LARGE1: variants seen among roughly 807,000 people sequenced by gnomAD.
LARGE1 encodes the protein LARGE xylosyl- and glucuronyltransferase 1.
LARGE1 carries 43 observed loss-of-function variants against 87.6 expected under a neutral mutation model. That is an observed-to-expected ratio of 0.49 (90% CI 0.38 to 0.63). The LOEUF is 0.63. LARGE1 is among the 30% of genes least tolerant of loss of function. LARGE1 has a pLI of 0.00. For synonymous variants in LARGE1, 434 were observed against 394.6 expected, an observed-to-expected ratio of 1.10 and a Z score of -1.18; for missense variants, 802 against 1,000.2, an observed-to-expected ratio of 0.80 and a Z score of 2.67.
At chr22:33,417,147 C>T (rs533106471) in intron 7 of LARGE1, among the ~76,000 whole-genome samples, 2 of 152,118 alleles carry the variant, frequency 1.3e-5, no homozygotes, top group Admixed American at 6.5e-5. Flanking sequence ...CCTCGTGATC[C>T]GCCTGCCTCG....
chr22:33,217,528 A>G (rs1418232502), intron 11 of LARGE1, among the ~76,000 whole-genome samples: 1 of 152,236 alleles, frequency 6.6e-6, no homozygotes, highest in African/African-American at 2.4e-5. Flanking sequence ...ACACCATTAT[A>G]GAAAATGTTT....
intron 1 of LARGE1, among the ~76,000 whole-genome samples, chr22:33,880,378 A>C (rs1373991893): frequency 6.6e-6 from 1 of 152,216 alleles, no homozygotes; most frequent in African/African-American, 2.4e-5. Context: ...GAACATTCTA[A>C]CTATCCTGCA....
At chr22:33,782,884 T>TAAAAA (rs397952057) in intron 1 of LARGE1, among the ~76,000 whole-genome samples, 6 of 125,492 alleles carry the variant, frequency 4.8e-5, no homozygotes, top group African/African-American at 1.5e-4. Flanking sequence ...AAATCAAGTT[T>TAAAAA]AAAAAAAAAA....
chr22:33,574,855 C>A (rs1041161269), intron 5 of LARGE1, among the ~76,000 whole-genome samples: 1 of 151,760 alleles, frequency 6.6e-6, no homozygotes, highest in Non-Finnish European at 1.5e-5. Flanking sequence ...ATATGCCATA[C>A]AAAAGAGCAC....
chr22:33,863,573 T>A (rs961664062), intron 1 of LARGE1, among the ~76,000 whole-genome samples: 5 of 147,354 alleles, frequency 3.4e-5, no homozygotes, highest in African/African-American at 1.3e-4. Flanking sequence ...CTGACCAACA[T>A]GGTGAAACCC....
chr22:33,839,408 T>G (rs1416099602), intron 1 of LARGE1, among the ~76,000 whole-genome samples: 1 of 147,448 alleles, frequency 6.8e-6, no homozygotes, highest in Non-Finnish European at 1.5e-5. Context: ...TCCAACACTG[T>G]GGATTTCACT....
chr22:33,180,973 T>C (rs1321834706), intron 11 of LARGE1, among the ~76,000 whole-genome samples: 3 of 152,228 alleles, frequency 2.0e-5, no homozygotes, highest in Non-Finnish European at 4.4e-5. Context: ...TTTGTGGATG[T>C]GGTTCTAAAA....
At chr22:33,329,942 G>C (rs1171778015) in intron 10 of LARGE1, among the ~76,000 whole-genome samples, 1 of 151,892 alleles carries the variant, frequency 6.6e-6, no homozygotes, top group African/African-American at 2.4e-5. Context: ...GCTATCTTCT[G>C]GGCTGTCAGG....
chr22:33,523,408 C>T (rs1439151163), intron 6 of LARGE1, among the ~76,000 whole-genome samples: 1 of 152,130 alleles, frequency 6.6e-6, no homozygotes, highest in Non-Finnish European at 1.5e-5. Context: ...GCATTTCCTC[C>T]TCTGTGAACT....
intron 4 of LARGE1, among the ~76,000 whole-genome samples, chr22:33,608,202 T>C (rs2079321080): frequency 6.6e-6 from 1 of 152,234 alleles, no homozygotes; most frequent in African/African-American, 2.4e-5. Context: ...AAGTTGCATG[T>C]TCATCTACAG....
chr22:33,634,220 A>G (rs7290109), intron 3 of LARGE1, among the ~76,000 whole-genome samples: 1 of 152,080 alleles, frequency 6.6e-6, no homozygotes, highest in African/African-American at 2.4e-5. Flanking sequence ...ACATGGAGTA[A>G]GTGGCTCTCC....
intron 11 of LARGE1, among the ~76,000 whole-genome samples, chr22:33,314,033 C>T (rs1935884125): frequency 6.6e-6 from 1 of 152,166 alleles, no homozygotes; most frequent in Non-Finnish European, 1.5e-5. Flanking sequence ...CCACTAAGTG[C>T]CTGGTGCAGA....
At chr22:33,070,105 A>T in the LARGE1 span, among the ~76,000 whole-genome samples, 1 of 152,192 alleles carries the variant, frequency 6.6e-6, no homozygotes. Flanking sequence ...TACAAGCATG[A>T]GCTGCCGCTC....
Position 33,583,045 on chromosome 22 carries a change from T to C in LARGE1, c.616-18026A>G, listed in dbSNP as rs376094700. Among the ~76,000 whole-genome samples, 4 of 152,190 alleles carry C rather than the reference T, an allele frequency of 2.6e-5. No individual in the cohort carries two copies. In the South Asian group the frequency reaches 8.3e-4, roughly 32 times the overall value. Reference sequence around the variant, plus strand: ...TCTACCTTGGACAGTTCCAGTCACATATATTATACCCTGTCTAGATGACAA... The same window carrying C: ...TCTACCTTGGACAGTTCCAGTCACACATATTATACCCTGTCTAGATGACAA... On this transcript the variant is annotated intron_variant, in intron 5 of 14. Coordinates refer to ENST00000397394, the MANE Select transcript of LARGE1 (RefSeq NM_133642.5).
chr22:33,316,254 G>A lies in LARGE1; in HGVS notation c.1288-6C>T. 1 of 1,613,110 alleles carries A rather than the reference G, an allele frequency of 6.2e-7. No individual in the cohort carries two copies. The highest frequency in any genetic ancestry group is 8.5e-7 in the Non-Finnish European group (1 of 1,179,888). Reference sequence around the variant, plus strand: ...TCAGACAGCTGCTTCTGGAGCTGCAGGGTAGGAGAGAGGGCTTGGGCACGT... The same window carrying A: ...TCAGACAGCTGCTTCTGGAGCTGCAAGGTAGGAGAGAGGGCTTGGGCACGT... On this transcript the variant is annotated splice_polypyrimidine_tract_variant and splice_region_variant and intron_variant, in intron 10 of 14. Transcript: ENST00000397394.
rs1445939743 is a variant in LARGE1 at position 33,853,692 on chromosome 22, CCAGTTCCTT to C, written c.-83+66294_-83+66302del. On this transcript the variant is annotated intron_variant, in intron 1 of 14. Transcript: ENST00000397394. ...AAGATAGCAAGGATACAAAAAAGTG[CCAGTTCCTT>C]TCCCACATGTGCTGAGTTGGAAACA... Among the ~76,000 whole-genome samples, 3 of 152,214 alleles carry C rather than the reference CCAGTTCCTT, an allele frequency of 2.0e-5. No homozygotes were observed. The East Asian group carries it at 5.8e-4, about 29-fold the overall frequency.
chr22:33,395,186 G>T (rs1432361830), intron 7 of LARGE1, among the ~76,000 whole-genome samples: 1 of 140,252 alleles, frequency 7.1e-6, no homozygotes, highest in South Asian at 2.3e-4. Context: ...CCGAGATCGC[G>T]CCGCTGCACT....
intron 2 of LARGE1, among the ~76,000 whole-genome samples, chr22:33,708,712 T>C (rs2082636133): frequency 6.6e-6 from 1 of 152,192 alleles, no homozygotes; most frequent in South Asian, 2.1e-4. Flanking sequence ...GCGATTCTCC[T>C]GCCGCAGCCT....
intron 12 of LARGE1, among the ~76,000 whole-genome samples, chr22:33,297,011 G>A (rs1162555212): frequency 6.6e-6 from 1 of 152,192 alleles, no homozygotes; most frequent in Non-Finnish European, 1.5e-5. Flanking sequence ...CATAGTAAGT[G>A]CTCAGTAAAT....
Sources: allele counts gnomAD v4.1 joint callset (sites outside exome capture counted in the v4.1 genomes callset), GRCh38; gene constraint gnomAD v4.1.1; transcripts MANE v1.5; gene names NCBI Gene and HGNC (gene_info 2026-07-23, HGNC 2026-07-21).